The following TRAPPC9 variants were observed in gnomAD, a reference collection of about 807,000 sequenced individuals.
The protein encoded by TRAPPC9 is IKK2 binding protein.
Under a neutral mutation model 124.0 loss-of-function variants are expected in TRAPPC9, and 83 were observed. That is an observed-to-expected ratio of 0.67 (90% CI 0.56 to 0.80). The LOEUF is 0.80. Ranked by LOEUF, TRAPPC9 falls within the 30% of genes least tolerant of loss-of-function variation. TRAPPC9 has a pLI of 0.00. For synonymous variants in TRAPPC9, 638 were observed against 617.5 expected, an observed-to-expected ratio of 1.03 and a Z score of -0.49; for missense variants, 1,302 against 1,508.3, an observed-to-expected ratio of 0.86 and a Z score of 2.27.
chr8:140,448,145 CAAAAAAAAAAA>C (rs56941791), intron 2 of TRAPPC9, among the ~76,000 whole-genome samples: 4 of 90,084 alleles, frequency 4.4e-5, no homozygotes, highest in East Asian at 3.5e-4. Context: ...GACACCATCT[CAAAAAAAAAAA>C]AAAAAAAAAA....
At chr8:140,204,933 G>A (rs544002827) in intron 17 of TRAPPC9, among the ~76,000 whole-genome samples, 6 of 152,342 alleles carry the variant, frequency 3.9e-5, no homozygotes, top group African/African-American at 1.2e-4. Flanking sequence ...TCCAGTGAAC[G>A]GAATTTCATC....
intron 21 of TRAPPC9, among the ~76,000 whole-genome samples, chr8:139,823,984 T>A (rs1825449798): frequency 6.6e-6 from 1 of 152,162 alleles, no homozygotes; most frequent in African/African-American, 2.4e-5. Flanking sequence ...CCCGTGAGGA[T>A]CCGGATAAAA....
At chr8:140,330,067 G>A (rs1009080307) in intron 9 of TRAPPC9, among the ~76,000 whole-genome samples, 3 of 151,876 alleles carry the variant, frequency 2.0e-5, no homozygotes, top group Non-Finnish European at 4.4e-5. Flanking sequence ...CAACAAGAGC[G>A]AAACTCAGTC....
At chr8:139,884,716 C>T (rs1011674742) in intron 21 of TRAPPC9, among the ~76,000 whole-genome samples, 1 of 152,178 alleles carries the variant, frequency 6.6e-6, no homozygotes, top group African/African-American at 2.4e-5. Context: ...AGGGAAGCCT[C>T]CAGAGAACCA....
chr8:139,858,777 C>T lies in TRAPPC9; in HGVS notation c.3055+27102G>A, dbSNP rs112534414. Among the ~76,000 whole-genome samples the T allele has an allele frequency of 5.5e-3, 840 of 151,896 alleles. 3 individuals are homozygous for T. The highest frequency in any genetic ancestry group is 9.6e-3 in the Non-Finnish European group (652 of 67,978). ...CTTCAAGCAGCACCAACGGTTTTGC[C>T]GAGGCCAGAGCCGACAAGTAGCCAC... On this transcript the variant is annotated intron_variant, in intron 21 of 22. Transcript: ENST00000438773.
intron 21 of TRAPPC9, among the ~76,000 whole-genome samples, chr8:139,770,174 G>A (rs557329165): frequency 3.3e-5 from 5 of 152,334 alleles, no homozygotes; most frequent in Admixed American, 6.5e-5. Context: ...CACCCACAGC[G>A]CTGCCAGCCC....
At chr8:140,145,868 CAT>C (rs2061455038) in intron 17 of TRAPPC9, among the ~76,000 whole-genome samples, 1 of 152,026 alleles carries the variant, frequency 6.6e-6, no homozygotes, top group Non-Finnish European at 1.5e-5. Flanking sequence ...TCTTCCTTCA[CAT>C]GTTTTCTGTT....
In TRAPPC9 at chr8:140,252,485, G is replaced by GA. The variant is rs1272929825; in HGVS notation, c.2431+291dup. ...CTAAAGAATCACAGCAGTTATACTT[G>GA]AAAAAACGCAGTAATTCCTACATTC... On this transcript the variant is annotated intron_variant, in intron 16 of 22. Transcript: ENST00000438773. The surrounding 1 kb of genome is among the most constrained non-coding windows in gnomAD (Gnocchi z 4.2). 2 of 401,366 alleles carry GA rather than the reference G, an allele frequency of 5.0e-6. No homozygotes were observed. The highest frequency in any genetic ancestry group is 2.6e-5 in the South Asian group (1 of 37,898). The allele number at this position is 401,366 out of a possible 1,614,324, so 24.9% of individuals were successfully genotyped here.
chr8:140,224,773 C>T (rs1338175584), intron 16 of TRAPPC9, among the ~76,000 whole-genome samples: 1 of 152,166 alleles, frequency 6.6e-6, no homozygotes, highest in African/African-American at 2.4e-5. Context: ...AGTTCAAATG[C>T]TACCTCTTCC....
At chr8:140,206,251 A>C (rs1438360934) in intron 17 of TRAPPC9, among the ~76,000 whole-genome samples, 2 of 152,266 alleles carry the variant, frequency 1.3e-5, no homozygotes, top group Non-Finnish European at 2.9e-5. Context: ...TATAAGGTTC[A>C]GAAAGATAAA....
chr8:139,874,876 G>A, intron 21 of TRAPPC9, among the ~76,000 whole-genome samples: 1 of 152,136 alleles, frequency 6.6e-6, no homozygotes, highest in Non-Finnish European at 1.5e-5. Flanking sequence ...TCCCACACGC[G>A]CATAACCGGG....
chr8:139,938,168 C>T (rs1833657412), intron 19 of TRAPPC9, among the ~76,000 whole-genome samples: 1 of 152,236 alleles, frequency 6.6e-6, no homozygotes, highest in Non-Finnish European at 1.5e-5. Flanking sequence ...CCACCCATGG[C>T]TTCCTGGCAG....
chr8:139,809,066 T>G (rs1586893271), intron 21 of TRAPPC9, among the ~76,000 whole-genome samples: 1 of 152,274 alleles, frequency 6.6e-6, no homozygotes, highest in Admixed American at 6.5e-5. Flanking sequence ...AACACCAGAG[T>G]CTACTGATTG....
Position 140,019,542 on chromosome 8 carries a change from C to CTTT in TRAPPC9, c.2699+4392_2699+4394dup, listed in dbSNP as rs71320340. On this transcript the variant is annotated intron_variant, in intron 18 of 22. Transcript: ENST00000438773. Reference sequence around the variant, plus strand: ...CTGTGTCAATTTTAGTAATTTGTGTCTTTTTTTTTTTTTTTTTTTTTTTTT... The same window carrying CTTT: ...CTGTGTCAATTTTAGTAATTTGTGTCTTTTTTTTTTTTTTTTTTTTTTTTTTTT... 6.8e-3 allele frequency among the ~76,000 whole-genome samples: 299 copies of CTTT among 43,862 alleles called. 86 individuals are homozygous for CTTT. The highest frequency in any genetic ancestry group is 0.013 in the African/African-American group (143 of 10,878). The allele number at this position is 43,862 out of a possible 152,430, so 28.8% of individuals were successfully genotyped here. A position where few individuals can be genotyped will look rare whatever the true frequency, so the allele number is the denominator to read the frequency against.
At chr8:140,178,279 T>C (rs1468968643) in intron 17 of TRAPPC9, among the ~76,000 whole-genome samples, 1 of 152,160 alleles carries the variant, frequency 6.6e-6, no homozygotes, top group Non-Finnish European at 1.5e-5. Context: ...GGCTTCTATT[T>C]CCAGTCTCCT....
chr8:140,246,969 A>G (rs925228798), intron 16 of TRAPPC9, among the ~76,000 whole-genome samples: 3 of 151,744 alleles, frequency 2.0e-5, no homozygotes, highest in Admixed American at 2.0e-4. Context: ...CGGGCGATAG[A>G]GCCAGACTTT....
Position 140,087,951 on chromosome 8 carries a change from C to T in TRAPPC9, c.2557-63872G>A, listed in dbSNP as rs75096387. Among the ~76,000 whole-genome samples, 3,547 of 152,084 alleles carry T rather than the reference C, an allele frequency of 0.023. 130 individuals carry two copies. Among genetic ancestry groups the T allele is most frequent in the African/African-American group, 0.079 (3,271 of 41,470 alleles). On this transcript the variant is annotated intron_variant, in intron 17 of 22. Coordinates refer to ENST00000438773, the MANE Select transcript of TRAPPC9 (RefSeq NM_001160372.4). This position sits in a 1 kb window ranked among gnomAD's most constrained non-coding sequence, Gnocchi z 4.6. The stretch of plus-strand genomic sequence containing the variant: ...ACGTGGTACCATCTCTGGGCCTCTG[C>T]ACCAGCTGTGATTTCTGCTTGGAAG...
chr8:140,275,744 CTT>C lies in TRAPPC9; in HGVS notation c.2190_2191del (p.Gln732AlafsTer5). ...TTCCAATTTAATGATTAGTTGCTGACTTTCTCCATTGTAAAGCTGGACAGATA... is the reference window on the plus strand; with the variant it reads ...TTCCAATTTAATGATTAGTTGCTGACTCTCCATTGTAAAGCTGGACAGATA... On this transcript the variant is annotated frameshift_variant, in exon 15 of 23. Coordinates refer to ENST00000438773, the MANE Select transcript of TRAPPC9 (RefSeq NM_001160372.4). LOFTEE classifies it high-confidence loss of function. 1 of 1,613,892 alleles carries C rather than the reference CTT, an allele frequency of 6.2e-7. No homozygotes were observed. Among genetic ancestry groups the C allele is most frequent in the Non-Finnish European group, 8.5e-7 (1 of 1,179,790 alleles).
chr8:139,952,732 G>A (rs944197639), intron 19 of TRAPPC9, among the ~76,000 whole-genome samples: 2 of 152,228 alleles, frequency 1.3e-5, no homozygotes, highest in Admixed American at 6.5e-5. Context: ...TGTGGCAGTC[G>A]ACTCACACTG....
Sources: allele counts gnomAD v4.1 joint callset (sites outside exome capture counted in the v4.1 genomes callset), GRCh38; gene constraint gnomAD v4.1.1; non-coding constraint Gnocchi (gnomAD v3.1); transcripts MANE v1.5; gene names NCBI Gene and HGNC (gene_info 2026-07-23, HGNC 2026-07-21).